Variants in PLEKHG5 observed in about 807,000 individuals in gnomAD.
The protein encoded by PLEKHG5 is pleckstrin homology domain-containing family G member 5.
A neutral mutation model predicts 103.8 loss-of-function variants in PLEKHG5; 52 were observed. That is an observed-to-expected ratio of 0.50 (90% CI 0.40 to 0.63). The LOEUF (loss-of-function observed/expected upper bound fraction) is 0.63. Among genes scored for constraint, PLEKHG5 ranks in the 30% least tolerant of loss-of-function variants. The pLI, the probability that PLEKHG5 is intolerant of heterozygous loss-of-function variation, is 0.00. For missense variants in PLEKHG5, 1,205 were observed against 1,347.6 expected (o/e 0.89, Z 1.66); for synonymous variants, 592 against 575.5 (o/e 1.03, Z -0.41).
At chr1:6,497,449 G>C, upstream of PLEKHG5, 1 of 486,092 alleles carries the variant, frequency 2.1e-6, no homozygotes, top group Non-Finnish European at 2.7e-6. The surrounding 1 kb of genome is among the most constrained non-coding windows in gnomAD (Gnocchi z 6.1). Flanking sequence ...GCAGGTGGGC[G>C]GGGAGGAGCC....
chr1:6,484,268 T>C (rs1644970378), intron 1 of PLEKHG5, among the ~76,000 whole-genome samples: 1 of 152,186 alleles, frequency 6.6e-6, no homozygotes. Flanking sequence ...TTCCCTGCTG[T>C]GATGGTCTGG....
chr1:6,492,364 C>T (rs976273104), upstream of PLEKHG5, among the ~76,000 whole-genome samples: 27 of 152,268 alleles, frequency 1.8e-4, no homozygotes, highest in African/African-American at 5.8e-4. Context: ...CAGTGGAGCC[C>T]AGCAAGGAGC....
At chr1:6,501,372 G>C (rs1185385186), upstream of PLEKHG5, among the ~76,000 whole-genome samples, 5 of 152,192 alleles carry the variant, frequency 3.3e-5, no homozygotes, top group Non-Finnish European at 7.3e-5. This position sits in a 1 kb window ranked among gnomAD's most constrained non-coding sequence, Gnocchi z 4.3. Context: ...CAGATTGAAG[G>C]CTGCTGCCTT....
At position 6,476,084 on chromosome 1, in the gene PLEKHG5, C is replaced by A. The variant is rs561819325; in HGVS notation, c.44-48G>T. The stretch of plus-strand genomic sequence containing the variant: ...TTGTGCCTCCCCCGCCCCTCCTTAG[C>A]CTGCAGCATGGCTGCCTCCAGAGGG... On this transcript the variant is annotated intron_variant, in intron 2 of 20. Transcript: ENST00000377728. 2.6e-6 allele frequency: 4 copies of A among 1,526,000 alleles called. No homozygotes were observed. The African/African-American group carries it at 4.1e-5, about 16-fold the overall frequency. 94.5% of individuals were successfully genotyped at this position (1,526,000 alleles called of 1,614,324 possible). A position where few individuals can be genotyped will look rare whatever the true frequency, so the allele number is the denominator to read the frequency against.
chr1:6,474,939 G>A (rs1644714779), intron 5 of PLEKHG5, 108 bp downstream of exon 5: 7 of 816,644 alleles, frequency 8.6e-6, no homozygotes, highest in Non-Finnish European at 1.3e-5. Flanking sequence ...CTCGCTCACG[G>A]GCCACCACAC....
At chr1:6,492,970 G>C (rs909335371), upstream of PLEKHG5, among the ~76,000 whole-genome samples, 4 of 145,692 alleles carry the variant, frequency 2.7e-5, no homozygotes, top group African/African-American at 5.1e-5. Flanking sequence ...GTCCCCCCCT[G>C]CTCACTCAGC....
At chr1:6,496,914 CT>C, upstream of PLEKHG5, 2 of 1,463,500 alleles carry the variant, frequency 1.4e-6, no homozygotes, top group Non-Finnish European at 1.8e-6. Flanking sequence ...GGCAGGGCTG[CT>C]GGGGGGAAGG....
At chr1:6,508,606 G>A (rs1638395666) in intron 1 of PLEKHG5, among the ~76,000 whole-genome samples, 11 of 152,236 alleles carry the variant, frequency 7.2e-5, no homozygotes, top group Admixed American at 7.2e-4. Context: ...TTTTCCTCGG[G>A]TCTGGGGAAA....
At chr1:6,471,317 C>T in intron 12 of PLEKHG5, 171 bp downstream of exon 12, 1 of 861,756 alleles carries the variant, frequency 1.2e-6, no homozygotes, top group Non-Finnish European at 1.8e-6. Context: ...GGTGGAGGCT[C>T]AAACCCGGGC....
chr1:6,471,958 C>T, intron 10 of PLEKHG5, 150 bp from the exon 11 acceptor site: 1 of 791,336 alleles, frequency 1.3e-6, no homozygotes, highest in Non-Finnish European at 2.1e-6. Flanking sequence ...TACCCTTTGG[C>T]CTTCGCACCT....
intron 1 of PLEKHG5, among the ~76,000 whole-genome samples, chr1:6,485,136 G>C (rs1206290645): frequency 6.6e-6 from 1 of 152,166 alleles, no homozygotes; most frequent in Non-Finnish European, 1.5e-5. Flanking sequence ...CCCGGAGTCC[G>C]AGGTCCCCGT....
At chr1:6,474,269 C>T in intron 6 of PLEKHG5, 105 bp from the exon 7 acceptor site, 2 of 1,408,672 alleles carry the variant, frequency 1.4e-6, no homozygotes, top group Non-Finnish European at 2.0e-6. Context: ...TGCCTGCCCT[C>T]CCCCGACAGC....
At position 6,491,440 on chromosome 1, in the gene PLEKHG5, C is replaced by T. The variant is rs1569964260; in HGVS notation, c.-88+197G>A. On this transcript the variant is annotated intron_variant, in intron 1 of 20. Coordinates refer to ENST00000377728, the MANE Select transcript of PLEKHG5 (RefSeq NM_020631.6). This position sits in a 1 kb window ranked among gnomAD's most constrained non-coding sequence, Gnocchi z 4.1. Reference sequence around the variant, plus strand: ...CTCCCCCAAAACTACTTAGCCAAAACCCAGGAGTCCCCTTGCATTGTTTCT... The same window carrying T: ...CTCCCCCAAAACTACTTAGCCAAAATCCAGGAGTCCCCTTGCATTGTTTCT... Among the ~76,000 whole-genome samples, 2 of 152,302 alleles carry T rather than the reference C, an allele frequency of 1.3e-5. No individual in the cohort carries two copies. The highest frequency in any genetic ancestry group is 3.9e-4 in the East Asian group (2 of 5,182).
chr1:6,511,804 A>T (rs1360123530), intron 1 of PLEKHG5, among the ~76,000 whole-genome samples: 1 of 152,102 alleles, frequency 6.6e-6, no homozygotes, highest in Non-Finnish European at 1.5e-5. Context: ...GCAGAGAGTG[A>T]GTGTGTGACT....
chr1:6,497,702 G>C (rs1236400393), upstream of PLEKHG5, among the ~76,000 whole-genome samples: 1 of 152,090 alleles, frequency 6.6e-6, no homozygotes, highest in East Asian at 1.9e-4. This position sits in a 1 kb window ranked among gnomAD's most constrained non-coding sequence, Gnocchi z 6.1. Context: ...GAGCCACGCA[G>C]AGCCCCCACC....
At chr1:6,500,819 G>C (rs1645288721), upstream of PLEKHG5, among the ~76,000 whole-genome samples, 1 of 152,100 alleles carries the variant, frequency 6.6e-6, no homozygotes, top group African/African-American at 2.4e-5. Context: ...CTGCCCTCCT[G>C]GCTCCCCCAC....
At chr1:6,518,741 T>C (rs907387825) in intron 1 of PLEKHG5, among the ~76,000 whole-genome samples, 2 of 152,200 alleles carry the variant, frequency 1.3e-5, no homozygotes, top group African/African-American at 4.8e-5. Context: ...GGCATCTTTC[T>C]TGCCCCACTT....
In PLEKHG5 at chr1:6,467,455, C is replaced by T. The variant is rs11800788; in HGVS notation, c.*108G>A. On this transcript the variant is annotated 3_prime_UTR_variant, in exon 21 of 21. Transcript: ENST00000377728. ...GTAGGCAGGGATCCTGCCCAGCATC[C>T]GGCTCATGCATACAGGAGGCAGTAG... 1,826 of 1,107,080 alleles carry T rather than the reference C, an allele frequency of 1.6e-3. 14 individuals are homozygous for T. The African/African-American group carries it at 0.025, about 15-fold the overall frequency. The allele number at this position is 1,107,080 out of a possible 1,614,324, so 68.6% of individuals were successfully genotyped here. A position where few individuals can be genotyped will look rare whatever the true frequency, so the allele number is the denominator to read the frequency against.
chr1:6,486,712 G>C lies in PLEKHG5; in HGVS notation c.-88+4925C>G, dbSNP rs1263076088. 6.6e-6 allele frequency among the ~76,000 whole-genome samples: 1 copy of C among 152,250 alleles called. No homozygotes were observed. The highest frequency in any genetic ancestry group is 1.5e-5 in the Non-Finnish European group (1 of 68,042). ...TCTGGTGCTGGAGTCACCACTACAC[G>C]GCTGTCAAAGCGCTTTTACACTGAT... On this transcript the variant is annotated intron_variant, in intron 1 of 20. Transcript: ENST00000377728. The surrounding 1 kb of genome is among the most constrained non-coding windows in gnomAD (Gnocchi z 5.3).
Sources: gnomAD v4.1 joint callset for allele counts (sites outside exome capture counted in the v4.1 genomes callset) on GRCh38, gnomAD v4.1.1 for gene constraint, Gnocchi (gnomAD v3.1) non-coding constraint, MANE v1.5 for transcripts, NCBI Gene and HGNC (gene_info 2026-07-23, HGNC 2026-07-21) for gene names.